Variants in UMAD1 observed in about 807,000 individuals in gnomAD.
UMAD1 encodes UBAP1-MVB12-associated (UMA) domain containing 1.
In UMAD1, 8 loss-of-function variants were observed where a neutral mutation model predicts 6.1. The ratio of observed to expected loss-of-function variants is 1.30; its 90% CI spans 0.76 to 2.35. The LOEUF is 2.35. Among genes scored for constraint, UMAD1 ranks in the 30% most tolerant of loss-of-function variants. The pLI, the probability that UMAD1 is intolerant of heterozygous loss-of-function variation, is 0.00. For synonymous variants in UMAD1, 56 were observed against 31.4 expected (o/e 1.78, Z -2.61); for missense variants, 130 against 78.4 (o/e 1.66, Z -2.49).
chr7:7,704,997 G>C (rs1780563041), intron 2 of UMAD1, among the ~76,000 whole-genome samples: 1 of 152,152 alleles, frequency 6.6e-6, no homozygotes, highest in Non-Finnish European at 1.5e-5. Context: ...TACAGAAGAG[G>C]AAGGGCGCTG....
chr7:7,764,808 AC>A (rs1250446916), intron 2 of UMAD1, among the ~76,000 whole-genome samples: 2 of 151,996 alleles, frequency 1.3e-5, no homozygotes, highest in Non-Finnish European at 2.9e-5. Flanking sequence ...TTCTCTAAGC[AC>A]CCTTTTTGAT....
At chr7:7,872,174 T>A (rs559031256) in intron 3 of UMAD1, among the ~76,000 whole-genome samples, 195 of 152,290 alleles carry the variant, frequency 1.3e-3, no homozygotes, top group African/African-American at 4.6e-3. Context: ...CTCGAAGATA[T>A]TTCGGGTTCA....
intron 3 of UMAD1, among the ~76,000 whole-genome samples, chr7:7,810,677 G>C (rs1022989803): frequency 1.3e-5 from 2 of 152,112 alleles, no homozygotes; most frequent in South Asian, 2.1e-4. Context: ...CTTCCAATTT[G>C]TCTATAATGA....
intron 2 of UMAD1, among the ~76,000 whole-genome samples, chr7:7,784,893 G>A (rs1782430845): frequency 6.6e-6 from 1 of 151,094 alleles, no homozygotes; most frequent in Non-Finnish European, 1.5e-5. Flanking sequence ...CTCCCGAGTA[G>A]CTGGGACTAC....
At chr7:7,665,456 C>T (rs1779419291) in intron 1 of UMAD1, among the ~76,000 whole-genome samples, 1 of 152,154 alleles carries the variant, frequency 6.6e-6, no homozygotes, top group South Asian at 2.1e-4. Flanking sequence ...AGATTTGAGA[C>T]AATTTTCCCA....
chr7:7,657,443 T>A (rs913073057), intron 1 of UMAD1, among the ~76,000 whole-genome samples: 5 of 152,260 alleles, frequency 3.3e-5, no homozygotes, highest in African/African-American at 1.2e-4. Context: ...TTTATGATTT[T>A]ACGTCTTACG....
chr7:7,644,218 ATTTATG>A (rs2115543777), intron 1 of UMAD1, among the ~76,000 whole-genome samples: 1 of 151,930 alleles, frequency 6.6e-6, no homozygotes, highest in African/African-American at 2.4e-5. Flanking sequence ...TTTATTGGTT[ATTTATG>A]TTTATCTTTT....
At chr7:7,722,845 G>A (rs4725017) in intron 2 of UMAD1, among the ~76,000 whole-genome samples, 9,635 of 152,220 alleles carry the variant, frequency 0.063, 393 homozygotes, top group East Asian at 0.11. Context: ...ACTTGGAATG[G>A]GGACGTGTGG....
intron 2 of UMAD1, among the ~76,000 whole-genome samples, chr7:7,694,993 C>T (rs1780273984): frequency 6.6e-6 from 1 of 152,212 alleles, no homozygotes; most frequent in South Asian, 2.1e-4. Flanking sequence ...TACTAATTTA[C>T]ATTCCCACCA....
chr7:7,775,768 T>C (rs1209334555), intron 2 of UMAD1, among the ~76,000 whole-genome samples: 1 of 152,228 alleles, frequency 6.6e-6, no homozygotes, highest in Non-Finnish European at 1.5e-5. Flanking sequence ...AACATATACC[T>C]ACTATATGAT....
chr7:7,841,859 A>G (rs902185713), intron 3 of UMAD1, among the ~76,000 whole-genome samples: 2 of 152,144 alleles, frequency 1.3e-5, no homozygotes, highest in South Asian at 2.1e-4. Flanking sequence ...TTTGTTTCCA[A>G]TTGTCTTTGC....
rs556310636 is a variant in UMAD1, at chr7:7,675,199, T to G, written c.82+1746T>G. On this transcript the variant is annotated intron_variant, in intron 2 of 3. Coordinates refer to ENST00000682710, the MANE Select transcript of UMAD1 (RefSeq NM_001302348.2). ...TTGTCTTTATGATTAGAAATTGACA[T>G]TATTCTTTTTGTTATCAAATAGCCA... Among the ~76,000 whole-genome samples, 11 of 152,298 alleles carry G rather than the reference T, an allele frequency of 7.2e-5. No homozygotes were observed. In the South Asian group the frequency reaches 2.3e-3, roughly 32 times the overall value.
At chr7:7,712,227 A>G (rs1474670549) in intron 2 of UMAD1, among the ~76,000 whole-genome samples, 1 of 152,150 alleles carries the variant, frequency 6.6e-6, no homozygotes, top group Non-Finnish European at 1.5e-5. Flanking sequence ...TGAATAACAG[A>G]TGGATAATCA....
chr7:7,660,660 A>G (rs1785452220), intron 1 of UMAD1, among the ~76,000 whole-genome samples: 1 of 152,202 alleles, frequency 6.6e-6, no homozygotes, highest in Non-Finnish European at 1.5e-5. Flanking sequence ...GGGTTTCTGC[A>G]GAGAGATCCA....
chr7:7,755,695 T>A (rs1781763328), intron 2 of UMAD1, among the ~76,000 whole-genome samples: 1 of 152,066 alleles, frequency 6.6e-6, no homozygotes, highest in South Asian at 2.1e-4. Flanking sequence ...AATTTAAGAT[T>A]AAAAAAAATC....
At chr7:7,804,780 G>C (rs533942524) in intron 3 of UMAD1, among the ~76,000 whole-genome samples, 3 of 152,152 alleles carry the variant, frequency 2.0e-5, no homozygotes, top group Admixed American at 6.5e-5. Context: ...AGGAGATCAA[G>C]ACCATTCTGG....
chr7:7,642,825 T>C (rs1271331934), intron 1 of UMAD1, among the ~76,000 whole-genome samples: 4 of 152,194 alleles, frequency 2.6e-5, no homozygotes, highest in Admixed American at 2.6e-4. Context: ...GTAAACACTA[T>C]CTTGAAATTT....
At chr7:7,659,842 G>A (rs945524337) in intron 1 of UMAD1, among the ~76,000 whole-genome samples, 1 of 152,128 alleles carries the variant, frequency 6.6e-6, no homozygotes, top group African/African-American at 2.4e-5. Context: ...CCAAGTTCAA[G>A]TCCTGAATAT....
chr7:7,869,490 C>T (rs1043681955), intron 3 of UMAD1, among the ~76,000 whole-genome samples: 4 of 151,988 alleles, frequency 2.6e-5, no homozygotes, highest in African/African-American at 9.7e-5. Context: ...TGTTTTATAC[C>T]TGGTTTCATG....
Sources: gnomAD v4.1 joint callset for allele counts (sites outside exome capture counted in the v4.1 genomes callset) on GRCh38, gnomAD v4.1.1 for gene constraint, MANE v1.5 for transcripts, NCBI Gene and HGNC (gene_info 2026-07-23, HGNC 2026-07-21) for gene names.